GUCY2F: variants seen among roughly 807,000 people sequenced by gnomAD.
GUCY2F encodes retinal guanylyl cyclase 2.
In GUCY2F, 61 loss-of-function variants were observed where a neutral mutation model predicts 73.1. The observed-to-expected ratio is 0.83, with a 90% confidence interval of 0.68 to 1.03. The LOEUF (loss-of-function observed/expected upper bound fraction) is 1.03. Ranked by LOEUF, GUCY2F falls within the 50% of genes least tolerant of loss-of-function variation. The pLI is 0.00. For synonymous variants in GUCY2F, 331 were observed against 307.8 expected (o/e 1.08, Z -0.79); for missense variants, 912 against 854.3 (o/e 1.07, Z -0.84).
At chrX:109,417,946 AGATGTGCTGGATCATAAGAAGAATATTT>A (rs374607879) in intron 8 of GUCY2F, among the ~76,000 whole-genome samples, 7,112 of 110,932 alleles carry the variant, frequency 0.064, 611 homozygotes, top group African/African-American at 0.21. Context: ...ATATGTGCAA[AGATGTGCTGGATCATAAGAAGAATATTT>A]GATGTGCTGG....
chrX:109,474,144 T>C (rs964160174), intron 2 of GUCY2F, among the ~76,000 whole-genome samples: 2 of 112,069 alleles, frequency 1.8e-5, no homozygotes, highest in Admixed American at 9.4e-5. Flanking sequence ...CTTCTGATTA[T>C]AGGCCAGGCC....
chrX:109,377,859 A>AT (rs1930214290), intron 17 of GUCY2F, among the ~76,000 whole-genome samples: 1 of 111,333 alleles, frequency 9.0e-6, no homozygotes. Context: ...AAAAGAGGAT[A>AT]GAAGTGTTAT....
intron 9 of GUCY2F, among the ~76,000 whole-genome samples, chrX:109,408,407 A>C (rs1228747998): frequency 8.9e-6 from 1 of 112,132 alleles, no homozygotes; most frequent in Non-Finnish European, 1.9e-5. Flanking sequence ...CTCAGATGAG[A>C]CTTTGGACTG....
rs771715364 is a variant in GUCY2F, at chrX:109,475,426, A to G, written c.511T>C (p.Ser171Pro). 3 of 1,209,232 alleles carry G rather than the reference A, an allele frequency of 2.5e-6. No homozygotes were observed. Among genetic ancestry groups the G allele is most frequent in the Non-Finnish European group, 3.4e-6 (3 of 894,515 alleles). ...ACAGTTACAAGCACCCGGATGGGAG[A>G]AGGGAGTGTCCGAGAAAAGGTCGGG... The part of the protein sequence containing the change: ...SYPTFSRTLP[S>P]PIRVLVTVMK... The change falls in exon 2 of 20, where the codon TCT (serine) becomes CCT (proline). Residue 171 changes from serine (S) to proline (P), a missense_variant. Transcript: ENST00000218006.
chrX:109,443,098 G>A (rs1190997703), intron 6 of GUCY2F, among the ~76,000 whole-genome samples: 1 of 110,997 alleles, frequency 9.0e-6, no homozygotes. Context: ...TTGGCTTCTT[G>A]ACTGATTAGG....
intron 8 of GUCY2F, among the ~76,000 whole-genome samples, chrX:109,414,766 T>C (rs1253210003): frequency 8.9e-6 from 1 of 111,737 alleles, no homozygotes; most frequent in Admixed American, 9.5e-5. Flanking sequence ...GATGAGTGGA[T>C]TAAACCATGC....
At chrX:109,421,802 CA>C (rs1233861711) in intron 8 of GUCY2F, among the ~76,000 whole-genome samples, 1 of 109,220 alleles carries the variant, frequency 9.2e-6, no homozygotes, top group African/African-American at 3.3e-5. Context: ...ATAAAATTGT[CA>C]AAAAAAACTC....
intron 11 of GUCY2F, among the ~76,000 whole-genome samples, chrX:109,398,047 A>G (rs1171915494): frequency 9.0e-6 from 1 of 110,663 alleles, no homozygotes; most frequent in Non-Finnish European, 1.9e-5. Flanking sequence ...TTGTGGGTTC[A>G]TACTTTGAGA....
chrX:109,407,368 G>A (rs958460880), intron 9 of GUCY2F, among the ~76,000 whole-genome samples: 9 of 112,816 alleles, frequency 8.0e-5, no homozygotes, highest in Non-Finnish European at 1.7e-4. Context: ...AGGTGACTTG[G>A]GTGCTGTTAA....
At chrX:109,446,143 G>T (rs1397058971) in intron 6 of GUCY2F, among the ~76,000 whole-genome samples, 1 of 111,777 alleles carries the variant, frequency 8.9e-6, no homozygotes, top group Non-Finnish European at 1.9e-5. Flanking sequence ...ACAAATGGAA[G>T]AACATTCCAT....
chrX:109,377,556 T>C (rs1281603582), intron 17 of GUCY2F, among the ~76,000 whole-genome samples: 2 of 112,082 alleles, frequency 1.8e-5, no homozygotes, highest in Admixed American at 9.5e-5. Flanking sequence ...GTACCTAGTG[T>C]AGTGTCTTAT....
chrX:109,402,883 A>G (rs1004173353), intron 10 of GUCY2F, among the ~76,000 whole-genome samples: 4 of 111,928 alleles, frequency 3.6e-5, no homozygotes, highest in Non-Finnish European at 7.5e-5. Flanking sequence ...TCCAGATACC[A>G]CCAATGACTG....
At chrX:109,386,608 T>A (rs1197684722) in intron 15 of GUCY2F, among the ~76,000 whole-genome samples, 2 of 111,578 alleles carry the variant, frequency 1.8e-5, no homozygotes, top group Non-Finnish European at 3.8e-5. Flanking sequence ...GTGTATAAAA[T>A]GCATTGAAAG....
chrX:109,393,235 G>A (rs1266109304), intron 12 of GUCY2F, among the ~76,000 whole-genome samples, 180 bp from the exon 13 acceptor site: 1 of 108,867 alleles, frequency 9.2e-6, no homozygotes, highest in Non-Finnish European at 1.9e-5. Flanking sequence ...CATTTACAGG[G>A]CACTACCACT....
intron 9 of GUCY2F, among the ~76,000 whole-genome samples, chrX:109,406,593 A>C (rs1930977133): frequency 1.8e-5 from 2 of 111,221 alleles, no homozygotes; most frequent in African/African-American, 6.6e-5. Flanking sequence ...GTGGTGGGGT[A>C]AAAACTTGGG....
chrX:109,452,534 T>C (rs771328535), intron 4 of GUCY2F, among the ~76,000 whole-genome samples: 2 of 112,200 alleles, frequency 1.8e-5, no homozygotes, highest in East Asian at 5.5e-4. Flanking sequence ...ATATGAGTTA[T>C]AGATGAAAAA....
intron 7 of GUCY2F, among the ~76,000 whole-genome samples, chrX:109,433,868 C>A (rs1379843367): frequency 1.8e-5 from 2 of 111,100 alleles, no homozygotes; most frequent in African/African-American, 6.6e-5. Context: ...GCCACTCAAT[C>A]TGCCTGAGCC....
At chrX:109,397,601 C>T (rs1192164119) in intron 11 of GUCY2F, among the ~76,000 whole-genome samples, 1 of 111,765 alleles carries the variant, frequency 8.9e-6, no homozygotes, top group Non-Finnish European at 1.9e-5. Flanking sequence ...TACTAGGGTT[C>T]TTATTTGAAT....
At chrX:109,392,828 CTT>C (rs878934421) in intron 13 of GUCY2F, 62 bp downstream of exon 13, 404 of 599,820 alleles carry the variant, frequency 6.7e-4, no homozygotes, top group South Asian at 1.0e-3. Flanking sequence ...TTTTCTTTCT[CTT>C]TTTTTTTTTT....
Sources: allele counts gnomAD v4.1 joint callset (sites outside exome capture counted in the v4.1 genomes callset), GRCh38; gene constraint gnomAD v4.1.1; transcripts MANE v1.5; gene names NCBI Gene and HGNC (gene_info 2026-07-23, HGNC 2026-07-21).